RELN: variants seen among roughly 807,000 people sequenced by gnomAD.
The protein encoded by RELN is reelin.
Under a neutral mutation model 427.6 loss-of-function variants are expected in RELN, and 108 were observed. The observed-to-expected ratio is 0.25, with a 90% CI of 0.22 to 0.30. The LOEUF is 0.30. RELN is among the 10% of genes least tolerant of loss of function. The pLI, the probability that RELN is intolerant of heterozygous loss-of-function variation, is 1.00. For missense variants in RELN, 3,715 were observed against 4,302.8 expected, an observed-to-expected ratio of 0.86 and a Z score of 3.82; for synonymous variants, 1,524 against 1,513.4, an observed-to-expected ratio of 1.01 and a Z score of -0.16.
chr7:103,729,121 G>A (rs950061291), intron 6 of RELN, among the ~76,000 whole-genome samples: 2 of 152,076 alleles, frequency 1.3e-5, no homozygotes, highest in Non-Finnish European at 2.9e-5. Context: ...TTCCTAACAT[G>A]TAGAAATAAA....
At chr7:103,681,302 G>GAC (rs1833647884) in intron 11 of RELN, among the ~76,000 whole-genome samples, 1 of 152,160 alleles carries the variant, frequency 6.6e-6, no homozygotes. Flanking sequence ...TGAGATCACA[G>GAC]TGACACGACT....
intron 2 of RELN, among the ~76,000 whole-genome samples, chr7:103,845,899 C>T (rs10275624): frequency 0.14 from 21,311 of 151,966 alleles, 1,664 homozygotes; most frequent in East Asian, 0.29. Flanking sequence ...AAACATTCCA[C>T]GCTCATGGAT....
intron 46 of RELN, among the ~76,000 whole-genome samples, chr7:103,528,466 G>C (rs1829870331): frequency 7.0e-6 from 1 of 143,192 alleles, no homozygotes; most frequent in Non-Finnish European, 1.5e-5. Context: ...TGTGGTGATG[G>C]TTTCAACAAC....
intron 1 of RELN, among the ~76,000 whole-genome samples, chr7:103,957,734 A>G (rs1027366508): frequency 1.1e-4 from 17 of 152,196 alleles, no homozygotes; most frequent in African/African-American, 3.9e-4. Context: ...ATACTTTCAC[A>G]TAAGGCTTTT....
chr7:103,692,436 C>CTCT (rs200637683), intron 10 of RELN, among the ~76,000 whole-genome samples: 2 of 152,044 alleles, frequency 1.3e-5, no homozygotes, highest in East Asian at 3.9e-4. Context: ...TGCCTCTTGC[C>CTCT]TCTTCTTCTT....
chr7:103,916,755 G>A (rs577509928), intron 2 of RELN, among the ~76,000 whole-genome samples: 6 of 152,164 alleles, frequency 3.9e-5, no homozygotes, highest in East Asian at 3.9e-4. Context: ...GAATGATTGC[G>A]TGGACATCAG....
rs2117177908 is a variant in RELN at position 103,561,622 on chromosome 7, A to G, written c.5439T>C (p.His1813=). 1 of 1,613,952 alleles carries G rather than the reference A, an allele frequency of 6.2e-7. No individual in the cohort carries two copies. Among genetic ancestry groups the G allele is most frequent in the South Asian group, 1.1e-5 (1 of 91,080 alleles). The change falls in exon 36 of 65, where the codon CAT becomes CAC. Residue 1813 remains histidine, a synonymous_variant. Transcript: ENST00000428762. The stretch of plus-strand genomic sequence containing the variant: ...CATACACTTCAGGCCAAAGGTCAGG[A>G]TGTAAATTCCCATTGAAATCGTCTT... ...ILKDDFNGNL[H]PDLWPEVYGA... is the part of the protein sequence containing the mutation.
At position 103,627,500 on chromosome 7, in the gene RELN, G is replaced by C. The variant is rs560139112; in HGVS notation, c.2702+2440C>G. On this transcript the variant is annotated intron_variant, in intron 20 of 64. Coordinates refer to ENST00000428762, the MANE Select transcript of RELN (RefSeq NM_005045.4). The stretch of plus-strand genomic sequence containing the variant: ...TCTGACTCACTGGCTAAGAAAATAG[G>C]AACAGTTTGAGATCTTCCATGTTGT... Among the ~76,000 whole-genome samples the C allele has an allele frequency of 3.3e-5, 5 of 152,124 alleles. No homozygotes were observed. The East Asian group carries it at 5.8e-4, about 18-fold the overall frequency.
At chr7:103,878,845 C>A (rs1465069552) in intron 2 of RELN, among the ~76,000 whole-genome samples, 2 of 152,162 alleles carry the variant, frequency 1.3e-5, no homozygotes, top group South Asian at 4.1e-4. Flanking sequence ...GCAGACCTAA[C>A]CCAGATTGAT....
In RELN at chr7:103,630,083, T is replaced by G; in HGVS notation, c.2559A>C (p.Val853=). The stretch of plus-strand genomic sequence containing the variant: ...TCATGATAATCTCATCAATAGCCCA[T>G]ACATCTTCTCTCTGGGAAGAATGAT... ...QPYHSSQRED[V]WAIDEIIMTS... is the part of the protein sequence containing the mutation. The change falls in exon 20 of 65, where the codon GTA becomes GTC. Residue 853 remains valine (V), a synonymous_variant. Transcript: ENST00000428762. The G allele has an allele frequency of 6.2e-7, 1 of 1,613,310 alleles. No individual in the cohort carries two copies. Among genetic ancestry groups the G allele is most frequent in the Admixed American group, 1.7e-5 (1 of 59,998 alleles).
At chr7:103,752,013 C>T (rs1338326479) in intron 5 of RELN, among the ~76,000 whole-genome samples, 1 of 152,116 alleles carries the variant, frequency 6.6e-6, no homozygotes, top group East Asian at 1.9e-4. Context: ...TTAAAGATCA[C>T]TTGTTTTCTA....
intron 22 of RELN, 119 bp downstream of exon 22, chr7:103,610,576 T>C (rs928063105): frequency 1.4e-6 from 1 of 715,756 alleles, no homozygotes; most frequent in Non-Finnish European, 2.6e-6. Context: ...ATAAACATCA[T>C]GCTATTGTGC....
chr7:103,487,588 C>T (rs1158874422), intron 60 of RELN, among the ~76,000 whole-genome samples: 3 of 151,998 alleles, frequency 2.0e-5, no homozygotes, highest in South Asian at 2.1e-4. Context: ...TACTAAAACA[C>T]GTAGTGCTCA....
chr7:103,726,652 ACC>A (rs1790218977), intron 7 of RELN, among the ~76,000 whole-genome samples: 1 of 152,104 alleles, frequency 6.6e-6, no homozygotes. Context: ...TTTCCTATTA[ACC>A]AGTGGCAACA....
intron 8 of RELN, among the ~76,000 whole-genome samples, chr7:103,708,625 G>A (rs1048019272): frequency 3.3e-5 from 5 of 151,596 alleles, no homozygotes; most frequent in African/African-American, 9.7e-5. Flanking sequence ...CAACACGCCC[G>A]GCTAATTTTT....
rs1829648955 is a variant in RELN, at chr7:103,519,383, T to C, written c.7802A>G (p.Asn2601Ser). 6.2e-7 allele frequency: 1 copy of C among 1,613,962 alleles called. No individual in the cohort carries two copies. Among genetic ancestry groups the C allele is most frequent in the African/African-American group, 1.3e-5 (1 of 74,906 alleles). Reference protein sequence around the residue: ...NQGVLLEYSVNGGITWNLLME... With the variant: ...NQGVLLEYSVSGGITWNLLME... ...GAGCAGGTTCCAGGTAATGCCTCCATTGACAGAATATTCCAAGAGAACACC... is the reference window on the plus strand; with the variant it reads ...GAGCAGGTTCCAGGTAATGCCTCCACTGACAGAATATTCCAAGAGAACACC... Residue 2601 changes from asparagine (N) to serine (S), a missense_variant, in exon 49 of 65, where the codon AAT becomes AGT. Transcript: ENST00000428762.
At chr7:103,554,768 G>T (rs1472379658) in intron 38 of RELN, among the ~76,000 whole-genome samples, 1 of 152,094 alleles carries the variant, frequency 6.6e-6, no homozygotes, top group Non-Finnish European at 1.5e-5. Flanking sequence ...TGTTTTAGTG[G>T]TTTAGGGGAA....
chr7:103,605,270 G>T (rs1026780266), intron 22 of RELN, among the ~76,000 whole-genome samples: 1 of 152,250 alleles, frequency 6.6e-6, no homozygotes, highest in Admixed American at 6.5e-5. Context: ...GTATTGTTTT[G>T]GGGTTGAGGG....
chr7:103,650,178 A>G, intron 16 of RELN, 96 bp downstream of exon 16: 2 of 820,782 alleles, frequency 2.4e-6, no homozygotes, highest in Non-Finnish European at 4.3e-6. Context: ...TTGCAAGACC[A>G]TGACTTAGAA....
Sources: allele counts gnomAD v4.1 joint callset (sites outside exome capture counted in the v4.1 genomes callset), GRCh38; gene constraint gnomAD v4.1.1; transcripts MANE v1.5; gene names NCBI Gene and HGNC (gene_info 2026-07-23, HGNC 2026-07-21).